Variants in PALM2AKAP2 observed in about 807,000 individuals in gnomAD.
PALM2AKAP2 encodes PALM2-AKAP2 fusion protein.
In PALM2AKAP2, 37 loss-of-function variants were observed where a neutral mutation model predicts 71.5. The observed-to-expected ratio is 0.52, with a 90% CI of 0.40 to 0.68. The LOEUF is 0.68. Ranked by LOEUF, PALM2AKAP2 falls within the 30% of genes least tolerant of loss-of-function variation. The pLI is 0.00. For synonymous variants in PALM2AKAP2, 468 were observed against 478.8 expected (o/e 0.98, Z 0.29); for missense variants, 1,224 against 1,191.8 (o/e 1.03, Z -0.40).
chr9:109,944,757 A>G (rs762998016), intron 6 of PALM2AKAP2: 3 of 152,168 alleles, frequency 2.0e-5, no homozygotes, highest in Non-Finnish European at 4.4e-5. Flanking sequence ...AGTTTTTGAA[A>G]TACCTTCTCA....
intron 1 of PALM2AKAP2, among the ~76,000 whole-genome samples, chr9:109,855,064 G>C (rs561032999): frequency 6.9e-6 from 1 of 144,930 alleles, no homozygotes; most frequent in Admixed American, 6.9e-5. Context: ...CACCATGCCT[G>C]GTGCCCCCCC....
chr9:109,893,150 C>G (rs896621025), intron 3 of PALM2AKAP2, among the ~76,000 whole-genome samples: 1 of 152,128 alleles, frequency 6.6e-6, no homozygotes, highest in African/African-American at 2.4e-5. Flanking sequence ...ACTGAGAGAG[C>G]AGTGGCCACT....
chr9:109,926,162 A>G (rs1564214138), intron 5 of PALM2AKAP2, among the ~76,000 whole-genome samples: 1 of 152,218 alleles, frequency 6.6e-6, no homozygotes, highest in African/African-American at 2.4e-5. Flanking sequence ...CGTCATTTGG[A>G]AATATACGGG....
intron 3 of PALM2AKAP2, among the ~76,000 whole-genome samples, chr9:109,901,978 C>G (rs533085642): frequency 9.4e-4 from 143 of 152,260 alleles, no homozygotes; most frequent in Non-Finnish European, 1.8e-3. Flanking sequence ...TTTTCTTTTT[C>G]TTTTTTTAAA....
intron 1 of PALM2AKAP2, among the ~76,000 whole-genome samples, chr9:109,707,759 C>T (rs914913024): frequency 2.6e-5 from 4 of 152,210 alleles, no homozygotes; most frequent in African/African-American, 9.6e-5. Context: ...TTGATACAGT[C>T]AGCAAGGAAG....
intron 1 of PALM2AKAP2, among the ~76,000 whole-genome samples, chr9:109,697,221 A>G (rs1827985167): frequency 1.3e-5 from 2 of 152,156 alleles, no homozygotes. Flanking sequence ...ATATACTGAC[A>G]TGGAAGTCTC....
intron 6 of PALM2AKAP2, among the ~76,000 whole-genome samples, chr9:109,936,680 C>T (rs1005274373): frequency 3.9e-5 from 6 of 152,184 alleles, no homozygotes; most frequent in African/African-American, 1.2e-4. Flanking sequence ...ATCACTGACT[C>T]GTGAACCACG....
chr9:109,895,898 G>A (rs1023907876), intron 3 of PALM2AKAP2, among the ~76,000 whole-genome samples: 1 of 152,102 alleles, frequency 6.6e-6, no homozygotes, highest in African/African-American at 2.4e-5. Context: ...GAGCATAAGG[G>A]GGGAAAATCT....
At chr9:109,898,574 A>G (rs376231064) in intron 3 of PALM2AKAP2, among the ~76,000 whole-genome samples, 1 of 152,208 alleles carries the variant, frequency 6.6e-6, no homozygotes, top group East Asian at 1.9e-4. Flanking sequence ...GAATTATTGC[A>G]CTTTTAAGAA....
intron 1 of PALM2AKAP2, among the ~76,000 whole-genome samples, chr9:109,686,641 T>A (rs1209272791): frequency 2.6e-5 from 4 of 152,060 alleles, no homozygotes. Context: ...TTATTTTATT[T>A]TTTTACTTTT....
At chr9:110,062,936 G>C (rs1833994556) in intron 1 of PALM2AKAP2, among the ~76,000 whole-genome samples, 1 of 152,072 alleles carries the variant, frequency 6.6e-6, no homozygotes, top group African/African-American at 2.4e-5. Context: ...GAAATTCCTG[G>C]TGAGCTGTTA....
chr9:110,023,271 C>CA (rs1349840768), intron 7 of PALM2AKAP2, among the ~76,000 whole-genome samples: 13 of 142,890 alleles, frequency 9.1e-5, no homozygotes, highest in South Asian at 7.0e-4. Context: ...GATCCCCATT[C>CA]TAACTGGTGT....
chr9:109,980,737 G>A (rs1183162637), intron 6 of PALM2AKAP2, among the ~76,000 whole-genome samples: 1 of 152,190 alleles, frequency 6.6e-6, no homozygotes, highest in Admixed American at 6.5e-5. Flanking sequence ...CATGGTGATG[G>A]GCTGGAGCTG....
intron 1 of PALM2AKAP2, among the ~76,000 whole-genome samples, chr9:109,761,158 G>C (rs1382225987): frequency 2.0e-5 from 3 of 152,110 alleles, no homozygotes; most frequent in Non-Finnish European, 2.9e-5. Context: ...ACATAAAATG[G>C]TTTTAAAATG....
intron 6 of PALM2AKAP2, among the ~76,000 whole-genome samples, chr9:110,015,283 A>G (rs1206357619): frequency 6.6e-6 from 1 of 152,184 alleles, no homozygotes; most frequent in Non-Finnish European, 1.5e-5. Flanking sequence ...TCTCAATATG[A>G]GGCCTGAACT....
intron 1 of PALM2AKAP2, among the ~76,000 whole-genome samples, chr9:109,741,401 A>G (rs1376883997): frequency 6.6e-6 from 1 of 152,182 alleles, no homozygotes. Flanking sequence ...GCTATTTTCA[A>G]TAAAGCTGCC....
intron 6 of PALM2AKAP2, among the ~76,000 whole-genome samples, chr9:109,956,834 G>A (rs1831755103): frequency 6.6e-6 from 1 of 152,190 alleles, no homozygotes; most frequent in African/African-American, 2.4e-5. Flanking sequence ...ATGTGAGTCA[G>A]TGTTACATAA....
intron 1 of PALM2AKAP2, among the ~76,000 whole-genome samples, chr9:109,837,360 A>C (rs1054460214): frequency 1.2e-4 from 18 of 152,208 alleles, no homozygotes; most frequent in African/African-American, 4.3e-4. Flanking sequence ...GCCTGCCCTA[A>C]AAGAGCTCCT....
intron 1 of PALM2AKAP2, among the ~76,000 whole-genome samples, chr9:109,737,134 G>A (rs1332739780): frequency 3.3e-5 from 5 of 152,224 alleles, no homozygotes; most frequent in Admixed American, 1.3e-4. Flanking sequence ...GGAGGCACAG[G>A]AGGAAAGCTA....
Sources: allele counts gnomAD v4.1 joint callset (sites outside exome capture counted in the v4.1 genomes callset), GRCh38; gene constraint gnomAD v4.1.1; transcripts MANE v1.5; gene names NCBI Gene and HGNC (gene_info 2026-07-23, HGNC 2026-07-21).